The following HECW1 variants were observed in gnomAD, a reference collection of about 807,000 sequenced individuals.
The protein encoded by HECW1 is HECT, C2 and WW domain containing E3 ubiquitin protein ligase 1.
A neutral mutation model predicts 182.3 loss-of-function variants in HECW1; 61 were observed. That is an observed-to-expected ratio of 0.33 (90% CI 0.27 to 0.41). The LOEUF (loss-of-function observed/expected upper bound fraction) is 0.41, where lower values mean the gene tolerates loss of function less well. Among genes scored for constraint, HECW1 ranks in the 10% least tolerant of loss-of-function variants. The pLI is 1.00. For missense variants in HECW1, 1,739 were observed against 2,108.9 expected (o/e 0.82, Z 3.44); for synonymous variants, 859 against 832.6 (o/e 1.03, Z -0.55).
At chr7:43,277,875 A>C (rs1401244153) in intron 3 of HECW1, among the ~76,000 whole-genome samples, 1 of 152,160 alleles carries the variant, frequency 6.6e-6, no homozygotes, top group East Asian at 1.9e-4. Flanking sequence ...ACCTCCCAGG[A>C]AATGCAGCTT....
chr7:43,244,987 C>T lies in HECW1; in HGVS notation c.27+1055C>T, dbSNP rs62458223. ...TGCAGAGGCAGCTTCTCCTCTGCCACAGGGCCCTGCTGCCTACTCATGCAG... is the reference window on the plus strand; with the variant it reads ...TGCAGAGGCAGCTTCTCCTCTGCCATAGGGCCCTGCTGCCTACTCATGCAG... On this transcript the variant is annotated intron_variant, in intron 3 of 29. Transcript: ENST00000395891. Among the ~76,000 whole-genome samples, 824 of 152,368 alleles carry T rather than the reference C, an allele frequency of 5.4e-3. 5 individuals are homozygous for T. The highest frequency in any genetic ancestry group is 6.8e-3 in the Non-Finnish European group (466 of 68,038).
intron 28 of HECW1, among the ~76,000 whole-genome samples, chr7:43,554,265 C>G (rs1307398904): frequency 6.6e-6 from 1 of 151,966 alleles, no homozygotes; most frequent in Non-Finnish European, 1.5e-5. Flanking sequence ...CTACCAGGCC[C>G]TTCTACTCCT....
chr7:43,536,689 G>A (rs1214881596), intron 24 of HECW1, among the ~76,000 whole-genome samples: 1 of 152,170 alleles, frequency 6.6e-6, no homozygotes, highest in Non-Finnish European at 1.5e-5. Flanking sequence ...GGGAGCCAGG[G>A]TGCCCAACAC....
chr7:43,288,832 T>C (rs1805005675), intron 3 of HECW1, among the ~76,000 whole-genome samples: 3 of 152,252 alleles, frequency 2.0e-5, no homozygotes, highest in African/African-American at 7.2e-5. Context: ...CCACTGTTGG[T>C]AATTCAGCTC....
chr7:43,360,855 T>C (rs746234676), intron 5 of HECW1, 31 bp from the exon 6 acceptor site: 6 of 1,531,712 alleles, frequency 3.9e-6, no homozygotes, highest in Non-Finnish European at 5.4e-6. Flanking sequence ...TACACCCTAC[T>C]TCTCAGTCTC....
chr7:43,290,864 C>T (rs564161303), intron 3 of HECW1, among the ~76,000 whole-genome samples: 26 of 152,228 alleles, frequency 1.7e-4, no homozygotes, highest in South Asian at 1.0e-3. Flanking sequence ...CATGGTGGAA[C>T]GAAGTTCCAG....
intron 9 of HECW1, among the ~76,000 whole-genome samples, chr7:43,441,671 A>G (rs1365345077): frequency 6.6e-6 from 1 of 152,232 alleles, no homozygotes; most frequent in Non-Finnish European, 1.5e-5. Flanking sequence ...AACTCTACCA[A>G]TATAGCATGA....
At chr7:43,523,956 T>C (rs892965963) in intron 24 of HECW1, among the ~76,000 whole-genome samples, 95 of 152,236 alleles carry the variant, frequency 6.2e-4, no homozygotes, top group African/African-American at 2.2e-3. Context: ...CAATGAGTGA[T>C]GCCTAAGGCA....
At chr7:43,159,828 C>T (rs147724156) in intron 2 of HECW1, among the ~76,000 whole-genome samples, 2,850 of 151,928 alleles carry the variant, frequency 0.019, 78 homozygotes, top group East Asian at 0.14. Flanking sequence ...TACAGGTGCC[C>T]ACCACCACGC....
At chr7:43,148,828 G>T (rs1483425310) in intron 2 of HECW1, 2 of 151,810 alleles carry the variant, frequency 1.3e-5, no homozygotes, top group African/African-American at 4.8e-5. Flanking sequence ...TTCTGATCTA[G>T]TAGGTCTGGG....
chr7:43,261,518 G>T (rs1028035232), intron 3 of HECW1, among the ~76,000 whole-genome samples: 22 of 152,204 alleles, frequency 1.4e-4, no homozygotes, highest in African/African-American at 5.1e-4. Flanking sequence ...GTTAAATGCA[G>T]CTGGTGCAGA....
intron 13 of HECW1, among the ~76,000 whole-genome samples, chr7:43,461,531 C>T (rs558477835): frequency 6.6e-6 from 1 of 152,320 alleles, no homozygotes; most frequent in South Asian, 2.1e-4. Flanking sequence ...TGGCAGGCCC[C>T]GTTCCCTGCC....
intron 3 of HECW1, among the ~76,000 whole-genome samples, chr7:43,268,587 C>G (rs955271358): frequency 3.9e-5 from 6 of 152,202 alleles, no homozygotes; most frequent in Non-Finnish European, 7.3e-5. Flanking sequence ...GTATCTGCCC[C>G]AAAATGTTAC....
At chr7:43,292,749 C>G (rs1194764383) in intron 3 of HECW1, among the ~76,000 whole-genome samples, 8 of 152,136 alleles carry the variant, frequency 5.3e-5, no homozygotes, top group Admixed American at 1.3e-4. Context: ...GGCAAACTTT[C>G]CTAGCAGGGT....
At chr7:43,487,503 C>T (rs148425291) in intron 17 of HECW1, among the ~76,000 whole-genome samples, 1 of 152,324 alleles carries the variant, frequency 6.6e-6, no homozygotes, top group Non-Finnish European at 1.5e-5. Context: ...CCACCAAGGG[C>T]TCTCTCTCCC....
At position 43,358,751 on chromosome 7, in the gene HECW1, A is replaced by G. The variant is rs189058792; in HGVS notation, c.461-2135A>G. Among the ~76,000 whole-genome samples the G allele has an allele frequency of 2.2e-4, 34 of 151,918 alleles. No homozygotes were observed. The East Asian group carries it at 6.4e-3, about 28-fold the overall frequency. ...GAGATGGTCAGAGTCACATTTCCTG[A>G]TAGAAGTGTAAAGTGTTATTTGGAA... is the stretch of plus-strand genomic sequence containing the variant. On this transcript the variant is annotated intron_variant, in intron 5 of 29. Transcript: ENST00000395891.
chr7:43,426,387 T>G (rs928877980), intron 8 of HECW1, among the ~76,000 whole-genome samples: 1 of 152,106 alleles, frequency 6.6e-6, no homozygotes, highest in Non-Finnish European at 1.5e-5. Flanking sequence ...ATGTCAAAAG[T>G]CTTGCACACC....
chr7:43,336,129 TCTCTCTCTCTC>T (rs1248257446), intron 5 of HECW1, among the ~76,000 whole-genome samples: 16 of 93,328 alleles, frequency 1.7e-4, no homozygotes, highest in East Asian at 6.3e-4. Context: ...TTTCTTTCTC[TCTCTCTCTCTC>T]TCTTTCTCTC....
At chr7:43,355,388 G>C (rs1432242400) in intron 5 of HECW1, among the ~76,000 whole-genome samples, 2 of 152,116 alleles carry the variant, frequency 1.3e-5, no homozygotes, top group Admixed American at 6.5e-5. Flanking sequence ...CCTGTTAAGA[G>C]ATAAGTAATA....
Sources: gnomAD v4.1 joint callset for allele counts (sites outside exome capture counted in the v4.1 genomes callset) on GRCh38, gnomAD v4.1.1 for gene constraint, MANE v1.5 for transcripts, NCBI Gene and HGNC (gene_info 2026-07-23, HGNC 2026-07-21) for gene names.